Variants in SEMA3C observed in about 807,000 individuals in gnomAD.
SEMA3C encodes the protein semaphorin 3C, also known as semaphorin-3C.
A neutral mutation model predicts 89.4 loss-of-function variants in SEMA3C; 47 were observed. The observed-to-expected ratio is 0.53, with a 90% CI of 0.42 to 0.67. The LOEUF is 0.67. Among genes scored for constraint, SEMA3C ranks in the 30% least tolerant of loss-of-function variants. The probability of loss-of-function intolerance (pLI) is 0.00; values close to 1 mark genes in which losing one functional copy is unlikely to be tolerated. For missense variants in SEMA3C, 839 were observed against 929.1 expected, an observed-to-expected ratio of 0.90 and a Z score of 1.26; for synonymous variants, 310 against 320.2, an observed-to-expected ratio of 0.97 and a Z score of 0.34.
intron 15 of SEMA3C, among the ~76,000 whole-genome samples, chr7:80,757,269 G>A (rs1788086638): frequency 6.6e-6 from 1 of 152,184 alleles, no homozygotes; most frequent in Non-Finnish European, 1.5e-5. Context: ...TTTTAGCCTT[G>A]TCACCATCAT....
chr7:80,897,535 G>C (rs1050882618), intron 2 of SEMA3C, among the ~76,000 whole-genome samples: 1 of 152,170 alleles, frequency 6.6e-6, no homozygotes, highest in African/African-American at 2.4e-5. Context: ...AAGTAAAAAT[G>C]AGAGGAGATG....
At chr7:80,891,523 A>G (rs1791613243) in intron 2 of SEMA3C, among the ~76,000 whole-genome samples, 2 of 152,108 alleles carry the variant, frequency 1.3e-5, no homozygotes, top group Admixed American at 6.5e-5. Context: ...TCAGAATGGT[A>G]ACAAAAAAAA....
chr7:80,889,437 C>T (rs187990190), intron 2 of SEMA3C, among the ~76,000 whole-genome samples: 26 of 152,136 alleles, frequency 1.7e-4, no homozygotes, highest in Middle Eastern at 3.4e-3. Flanking sequence ...AATTTACTAT[C>T]AATATAGAAG....
intron 2 of SEMA3C, among the ~76,000 whole-genome samples, chr7:80,870,889 G>T (rs1023196635): frequency 6.6e-6 from 1 of 152,136 alleles, no homozygotes; most frequent in Non-Finnish European, 1.5e-5. Context: ...CCTTCAAATC[G>T]CTCCAGAGAT....
intron 17 of SEMA3C, among the ~76,000 whole-genome samples, chr7:80,746,718 G>GGTGGGTGTGTGTGT (rs1554357890): frequency 1.4e-5 from 2 of 142,930 alleles, no homozygotes; most frequent in African/African-American, 5.2e-5. Context: ...ATTGAAGTGG[G>GGTGGGTGTGTGTGT]GTGTGTGTGT....
intron 2 of SEMA3C, among the ~76,000 whole-genome samples, chr7:80,871,621 C>T (rs1438356308): frequency 6.6e-6 from 1 of 152,162 alleles, no homozygotes; most frequent in Non-Finnish European, 1.5e-5. Context: ...ATAAATAACT[C>T]CCACCTGCTT....
intron 2 of SEMA3C, among the ~76,000 whole-genome samples, chr7:80,902,922 C>T (rs1371288251): frequency 6.6e-6 from 1 of 152,138 alleles, no homozygotes; most frequent in Non-Finnish European, 1.5e-5. Context: ...AGACCTAAGC[C>T]AAGATTATGT....
At chr7:80,862,770 G>A (rs923269660) in intron 2 of SEMA3C, among the ~76,000 whole-genome samples, 11 of 152,074 alleles carry the variant, frequency 7.2e-5, no homozygotes, top group African/African-American at 2.2e-4. Flanking sequence ...ACAGAATAGA[G>A]AACCCAGAAA....
chr7:80,894,994 T>C (rs1181820770), intron 2 of SEMA3C, among the ~76,000 whole-genome samples: 2 of 152,206 alleles, frequency 1.3e-5, no homozygotes, highest in Non-Finnish European at 2.9e-5. Context: ...TCTTTTAAAC[T>C]GTGAGAAATA....
At chr7:80,852,760 G>A (rs542165995) in intron 2 of SEMA3C, among the ~76,000 whole-genome samples, 1 of 149,316 alleles carries the variant, frequency 6.7e-6, no homozygotes, top group South Asian at 2.1e-4. Flanking sequence ...CTCACTGCAA[G>A]CTCCGCCTCC....
At chr7:80,913,298 G>A (rs1168293303) in intron 2 of SEMA3C, among the ~76,000 whole-genome samples, 1 of 152,124 alleles carries the variant, frequency 6.6e-6, no homozygotes, top group Non-Finnish European at 1.5e-5. Flanking sequence ...CTACTCGGGA[G>A]GCTGAGGCAG....
intron 12 of SEMA3C, among the ~76,000 whole-genome samples, chr7:80,783,670 C>T (rs1453928580): frequency 6.6e-6 from 1 of 152,176 alleles, no homozygotes; most frequent in Non-Finnish European, 1.5e-5. Context: ...ATTCCTGGCT[C>T]TGCAGTTCAT....
intron 2 of SEMA3C, among the ~76,000 whole-genome samples, chr7:80,868,168 C>G (rs1176919017): frequency 3.9e-5 from 6 of 152,172 alleles, no homozygotes; most frequent in Admixed American, 1.3e-4. Flanking sequence ...GCATGTCTCT[C>G]TCCCAGGAAG....
chr7:80,828,522 A>C (rs1476597760), intron 3 of SEMA3C, 63 bp downstream of exon 3: 2 of 1,338,812 alleles, frequency 1.5e-6, no homozygotes, highest in Non-Finnish European at 2.0e-6. Flanking sequence ...TTACTTATTT[A>C]TTTTTTTTAA....
chr7:80,907,212 G>GA, intron 2 of SEMA3C, among the ~76,000 whole-genome samples: 1 of 151,970 alleles, frequency 6.6e-6, no homozygotes, highest in Admixed American at 6.6e-5. Context: ...TCAGCTTAAA[G>GA]AAAAAAAATT....
intron 15 of SEMA3C, among the ~76,000 whole-genome samples, chr7:80,751,898 T>C (rs1265170983): frequency 6.6e-6 from 1 of 152,196 alleles, no homozygotes; most frequent in Non-Finnish European, 1.5e-5. Flanking sequence ...ACTTTTTATT[T>C]TGAAAATTTC....
At chr7:80,794,376 A>G (rs1789013055) in intron 11 of SEMA3C, among the ~76,000 whole-genome samples, 1 of 152,130 alleles carries the variant, frequency 6.6e-6, no homozygotes, top group African/African-American at 2.4e-5. Flanking sequence ...TAATGATGTG[A>G]GACGATGTAA....
intron 2 of SEMA3C, among the ~76,000 whole-genome samples, chr7:80,874,458 A>ATTTATTTATTTC: frequency 6.6e-6 from 1 of 150,798 alleles, no homozygotes; most frequent in South Asian, 2.1e-4. Flanking sequence ...TTATTTATTT[A>ATTTATTTATTTC]TTTATTTATT....
chr7:80,813,867 C>T (rs557131857), intron 5 of SEMA3C, among the ~76,000 whole-genome samples: 15 of 151,922 alleles, frequency 9.9e-5, no homozygotes, highest in African/African-American at 2.7e-4. Flanking sequence ...CAGCGTCTAA[C>T]GTCAATTATT....
Sources: gnomAD v4.1 joint callset for allele counts (sites outside exome capture counted in the v4.1 genomes callset) on GRCh38, gnomAD v4.1.1 for gene constraint, MANE v1.5 for transcripts, NCBI Gene and HGNC (gene_info 2026-07-23, HGNC 2026-07-21) for gene names.